The following CA12 variants were observed in gnomAD, a reference collection of about 807,000 sequenced individuals.
The protein encoded by CA12 is carbonic anhydrase 12, also known as carbonate dehydratase XII.
Under a neutral mutation model 46.8 loss-of-function variants are expected in CA12, and 36 were observed. The ratio of observed to expected loss-of-function variants is 0.77; its 90% CI spans 0.59 to 1.02. The LOEUF (loss-of-function observed/expected upper bound fraction) is 1.02. CA12 is among the 50% of genes least tolerant of loss of function. The pLI is 0.00. For synonymous variants in CA12, 202 were observed against 187.0 expected, an observed-to-expected ratio of 1.08 and a Z score of -0.65; for missense variants, 436 against 451.4, an observed-to-expected ratio of 0.97 and a Z score of 0.31.
chr15:63,358,388 A>T (rs751677675), intron 2 of CA12, among the ~76,000 whole-genome samples: 3 of 152,242 alleles, frequency 2.0e-5, no homozygotes, highest in Non-Finnish European at 4.4e-5. Flanking sequence ...AGGGTGATGT[A>T]GCAATGTTCC....
intron 1 of CA12, among the ~76,000 whole-genome samples, chr15:63,377,434 C>A (rs900466049): frequency 6.6e-6 from 1 of 152,106 alleles, no homozygotes; most frequent in African/African-American, 2.4e-5. Flanking sequence ...GCATTTCCTA[C>A]TTAAGGAAAT....
In CA12 at chr15:63,321,679, C is replaced by G. The variant is rs932472259; in HGVS notation, c.*4606G>C. 3 of 152,246 alleles carry G rather than the reference C, an allele frequency of 2.0e-5. No individual in the cohort carries two copies. The East Asian group carries it at 5.8e-4, about 29-fold the overall frequency. The allele number at this position is 152,246 out of a possible 1,614,324, so 9.4% of individuals were successfully genotyped here. On this transcript the variant is annotated 3_prime_UTR_variant, in exon 11 of 11. Transcript: ENST00000178638. The surrounding 1 kb of genome is among the most constrained non-coding windows in gnomAD (Gnocchi z 4.5). Reference sequence around the variant, plus strand: ...AGCGAGGCTGCAACTGCTCCAGATACCCAGCAGGAAGGCCACGTGACAACG... The same window carrying G: ...AGCGAGGCTGCAACTGCTCCAGATAGCCAGCAGGAAGGCCACGTGACAACG...
intron 4 of CA12, among the ~76,000 whole-genome samples, chr15:63,344,140 T>C (rs2039116124): frequency 6.6e-6 from 1 of 152,278 alleles, no homozygotes; most frequent in Non-Finnish European, 1.5e-5. Flanking sequence ...TTTGTAAGAA[T>C]GCAGATTCGC....
In CA12 at chr15:63,374,517, C is replaced by T. The variant is rs1205270955; in HGVS notation, c.106+1141G>A. 6.6e-6 allele frequency among the ~76,000 whole-genome samples: 1 copy of T among 152,212 alleles called. No homozygotes were observed. Among genetic ancestry groups the T allele is most frequent in the Non-Finnish European group, 1.5e-5 (1 of 68,040 alleles). ...TTCCCAACTATGGACCACAGCCTAC[C>T]CTTCTATTACCCACCCACTTAGCAA... On this transcript the variant is annotated intron_variant, in intron 2 of 10. Coordinates refer to ENST00000178638, the MANE Select transcript of CA12 (RefSeq NM_001218.5). This position sits in a 1 kb window ranked among gnomAD's most constrained non-coding sequence, Gnocchi z 4.4.
In CA12 at chr15:63,373,103, A is replaced by G. The variant is rs2039527719; in HGVS notation, c.106+2555T>C. Reference sequence around the variant, plus strand: ...TTCCCAGCCAGTCATGGTGGCTCACACCTGTAATCCCAACACTTTGAGAGG... The same window carrying G: ...TTCCCAGCCAGTCATGGTGGCTCACGCCTGTAATCCCAACACTTTGAGAGG... On this transcript the variant is annotated intron_variant, in intron 2 of 10. Coordinates refer to ENST00000178638, the MANE Select transcript of CA12 (RefSeq NM_001218.5). This position sits in a 1 kb window ranked among gnomAD's most constrained non-coding sequence, Gnocchi z 4.9. Among the ~76,000 whole-genome samples, 1 of 152,130 alleles carries G rather than the reference A, an allele frequency of 6.6e-6. No homozygotes were observed. Among genetic ancestry groups the G allele is most frequent in the South Asian group, 2.1e-4 (1 of 4,822 alleles).
rs762227382 is a variant in CA12 at position 63,323,295 on chromosome 15, C to T, written c.*2990G>A. Reference sequence around the variant, plus strand: ...AGGGTCTTTATTTAATTCCTCTAGGCTTCCCAGCACCATTAAGCAGCTTCG... The same window carrying T: ...AGGGTCTTTATTTAATTCCTCTAGGTTTCCCAGCACCATTAAGCAGCTTCG... On this transcript the variant is annotated 3_prime_UTR_variant, in exon 11 of 11. Transcript: ENST00000178638. This position sits in a 1 kb window ranked among gnomAD's most constrained non-coding sequence, Gnocchi z 5.1. 6.6e-6 allele frequency: 1 copy of T among 152,236 alleles called. No individual in the cohort carries two copies. The highest frequency in any genetic ancestry group is 1.5e-5 in the Non-Finnish European group (1 of 68,070). The allele number at this position is 152,236 out of a possible 1,614,324, so 9.4% of individuals were successfully genotyped here.
intron 8 of CA12, among the ~76,000 whole-genome samples, chr15:63,337,345 A>G (rs2039015958): frequency 6.6e-6 from 1 of 152,236 alleles, no homozygotes; most frequent in Admixed American, 6.5e-5. Flanking sequence ...AACTAAGTTT[A>G]GGAGGTGATC....
intron 2 of CA12, among the ~76,000 whole-genome samples, chr15:63,354,254 G>A (rs1352671516): frequency 6.6e-6 from 1 of 151,970 alleles, no homozygotes; most frequent in African/African-American, 2.4e-5. Flanking sequence ...GGACAGTGAG[G>A]GAGGGCTAGA....
chr15:63,340,346 C>T lies in CA12; in HGVS notation c.689G>A (p.Cys230Tyr), dbSNP rs892138347. The change falls in exon 7 of 11, where the codon TGC becomes TAC. Residue 230 changes from cysteine (C) to tyrosine (Y), a missense_variant. Cys to Tyr is a radical substitution (Grantham distance 194). Transcript: ENST00000178638. This position sits in a 1 kb window ranked among gnomAD's most constrained non-coding sequence, Gnocchi z 4.4. ...AACTGTCCAGAGCACAGTGGGGTTGCAAGGGGGTGTGGTCAGGGACCCCCG... is the reference window on the plus strand; with the variant it reads ...AACTGTCCAGAGCACAGTGGGGTTGTAAGGGGGTGTGGTCAGGGACCCCCG... Reference protein sequence around the residue: ...RYRGSLTTPPCNPTVLWTVFR... With the variant: ...RYRGSLTTPPYNPTVLWTVFR... 6 of 1,614,116 alleles carry T rather than the reference C, an allele frequency of 3.7e-6. No homozygotes were observed. Among genetic ancestry groups the T allele is most frequent in the Non-Finnish European group, 5.1e-6 (6 of 1,180,006 alleles).
chr15:63,358,082 A>G (rs984515367), intron 2 of CA12, among the ~76,000 whole-genome samples: 4 of 152,216 alleles, frequency 2.6e-5, no homozygotes, highest in South Asian at 2.1e-4. Context: ...TTATTCATTC[A>G]TAGGACTGCA....
In CA12 at chr15:63,341,598, G is replaced by A. The variant is rs1420297651; in HGVS notation, c.525+404C>T. 3.3e-5 allele frequency among the ~76,000 whole-genome samples: 5 copies of A among 152,194 alleles called. No homozygotes were observed. Among genetic ancestry groups the A allele is most frequent in the Admixed American group, 1.3e-4 (2 of 15,290 alleles). On this transcript the variant is annotated intron_variant, in intron 5 of 10. Transcript: ENST00000178638. This position sits in a 1 kb window ranked among gnomAD's most constrained non-coding sequence, Gnocchi z 5.2. ...GGTCCCTGGTGCCAAAAAGGTTGGGGACCACTGATCTAGAGGTCCCTTGGA... is the reference window on the plus strand; with the variant it reads ...GGTCCCTGGTGCCAAAAAGGTTGGGAACCACTGATCTAGAGGTCCCTTGGA...
chr15:63,347,393 T>C (rs936920250), intron 2 of CA12, among the ~76,000 whole-genome samples: 1 of 152,174 alleles, frequency 6.6e-6, no homozygotes, highest in Non-Finnish European at 1.5e-5. Flanking sequence ...GAACCCAATC[T>C]GATAGGGATG....
At position 63,381,681 on chromosome 15, in the gene CA12, G is replaced by T; in HGVS notation, c.40C>A (p.Leu14Met). Residue 14 changes from leucine (L) to methionine (M), a missense_variant, in exon 1 of 11, where the codon CTG (leucine) becomes ATG (methionine). Coordinates refer to ENST00000178638, the MANE Select transcript of CA12 (RefSeq NM_001218.5). ...RSLHAAAVLL[L>M]VILKEQPSSP... is the part of the protein sequence containing the mutation. ...GAAGGCTGTTCCTTTAAGATCACCAGCAGGAGCACGGCCGCCGCGTGCAGG... is the reference window on the plus strand; with the variant it reads ...GAAGGCTGTTCCTTTAAGATCACCATCAGGAGCACGGCCGCCGCGTGCAGG... 6.2e-7 allele frequency: 1 copy of T among 1,610,372 alleles called. No homozygotes were observed.
rs2039133925 is a variant in CA12 at position 63,345,490 on chromosome 15, T to C, written c.416A>G (p.His139Arg). Residue 139 changes from histidine (H) to arginine (R), a missense_variant, in exon 4 of 11, where the codon CAC (histidine) becomes CGC (arginine). His to Arg is a conservative substitution (Grantham distance 29). Transcript: ENST00000178638. The surrounding 1 kb of genome is among the most constrained non-coding windows in gnomAD (Gnocchi z 4.3). ...HGSEHTVSGQ[H>R]FAAELHIVHY... The stretch of plus-strand genomic sequence containing the variant: ...AGCCCTACTTACCTCGGCGGCGAAG[T>C]GCTGTCCGCTGACGGTGTGCTCAGA... 3.7e-6 allele frequency: 6 copies of C among 1,608,918 alleles called. No homozygotes were observed. The highest frequency in any genetic ancestry group is 5.1e-6 in the Non-Finnish European group (6 of 1,179,976).
chr15:63,368,711 C>A (rs2039465722), intron 2 of CA12, among the ~76,000 whole-genome samples: 1 of 152,228 alleles, frequency 6.6e-6, no homozygotes, highest in Non-Finnish European at 1.5e-5. Flanking sequence ...CGGAGCACAG[C>A]CAGAGGCCTG....
rs1170481398 is a variant in CA12 at position 63,348,937 on chromosome 15, T to G, written c.107-2228A>C. On this transcript the variant is annotated intron_variant, in intron 2 of 10. Transcript: ENST00000178638. The surrounding 1 kb of genome is among the most constrained non-coding windows in gnomAD (Gnocchi z 4.6). The stretch of plus-strand genomic sequence containing the variant: ...TTCTCTTGCTCTAAATACGCTTTAT[T>G]GGAAGTTAGGACCAAATAAGGTATT... 3.3e-5 allele frequency among the ~76,000 whole-genome samples: 5 copies of G among 152,168 alleles called. No individual in the cohort carries two copies. Among genetic ancestry groups the G allele is most frequent in the Non-Finnish European group, 7.3e-5 (5 of 68,042 alleles).
chr15:63,381,538 C>T (rs2039644990), intron 1 of CA12, 98 bp downstream of exon 1: 1 of 995,004 alleles, frequency 1.0e-6, no homozygotes, highest in Non-Finnish European at 1.6e-6. Flanking sequence ...CTTCCCTGCT[C>T]CCCGCAGCAA....
intron 4 of CA12, among the ~76,000 whole-genome samples, chr15:63,344,374 G>A (rs955891162): frequency 3.3e-5 from 5 of 152,226 alleles, no homozygotes; most frequent in African/African-American, 1.2e-4. Flanking sequence ...TCCCGGGCAT[G>A]TGTCCTTAAC....
In CA12 at chr15:63,346,717, CAG is replaced by C; in HGVS notation, c.107-10_107-9del. The stretch of plus-strand genomic sequence containing the variant: ...TATTCTCCCCATCAGGACCTGGACA[CAG>C]AGATCCATGCTCAAGATTTAGAGTT... On this transcript the variant is annotated splice_polypyrimidine_tract_variant and intron_variant, in intron 2 of 10. Coordinates refer to ENST00000178638, the MANE Select transcript of CA12 (RefSeq NM_001218.5). 1.2e-6 allele frequency: 2 copies of C among 1,614,054 alleles called. No individual in the cohort carries two copies. The highest frequency in any genetic ancestry group is 1.7e-5 in the Admixed American group (1 of 60,022).
Sources: allele counts gnomAD v4.1 joint callset (sites outside exome capture counted in the v4.1 genomes callset), GRCh38; gene constraint gnomAD v4.1.1; non-coding constraint Gnocchi (gnomAD v3.1); transcripts MANE v1.5; gene names NCBI Gene and HGNC (gene_info 2026-07-23, HGNC 2026-07-21).